RTL4: variants seen among roughly 807,000 people sequenced by gnomAD.
The protein encoded by RTL4 is retrotransposon Gag like 4.
In RTL4, 4 loss-of-function variants were observed where a neutral mutation model predicts 5.3. The ratio of observed to expected loss-of-function variants is 0.75; its 90% CI spans 0.37 to 1.72. RTL4 has a LOEUF of 1.72. RTL4 is among the 40% of genes most tolerant of loss of function. The probability of loss-of-function intolerance (pLI) is 0.04; values close to 1 mark genes in which losing one functional copy is unlikely to be tolerated. For synonymous variants in RTL4, 98 were observed against 87.3 expected, an observed-to-expected ratio of 1.12 and a Z score of -0.68; for missense variants, 260 against 227.1, an observed-to-expected ratio of 1.14 and a Z score of -0.93.
the RTL4 span, among the ~76,000 whole-genome samples, chrX:112,154,646 C>T: frequency 4.5e-5 from 5 of 112,091 alleles, no homozygotes; most frequent in Non-Finnish European, 7.5e-5. Context: ...ATAACTGGAA[C>T]CAAATATTGT....
chrX:112,205,426 TA>T, the RTL4 span, among the ~76,000 whole-genome samples: 37 of 111,560 alleles, frequency 3.3e-4, no homozygotes, highest in African/African-American at 1.2e-3. Context: ...TATTTTACCT[TA>T]AAAAAAGGAA....
At chrX:112,087,310 G>A in the RTL4 span, among the ~76,000 whole-genome samples, 1 of 108,560 alleles carries the variant, frequency 9.2e-6, no homozygotes, top group African/African-American at 3.4e-5. Flanking sequence ...CCCTCTCCCA[G>A]GAGTAGATTG....
At chrX:112,089,510 C>T in the RTL4 span, among the ~76,000 whole-genome samples, 6 of 111,020 alleles carry the variant, frequency 5.4e-5, no homozygotes, top group African/African-American at 2.0e-4. Flanking sequence ...CCATTCTTTC[C>T]TGATCGAATG....
the RTL4 span, among the ~76,000 whole-genome samples, chrX:112,390,829 G>A: frequency 9.0e-6 from 1 of 111,594 alleles, no homozygotes; most frequent in African/African-American, 3.3e-5. Flanking sequence ...TCTTACAGGA[G>A]TTCTCTGTAT....
chrX:112,125,275 A>G, the RTL4 span, among the ~76,000 whole-genome samples: 3 of 111,472 alleles, frequency 2.7e-5, no homozygotes, highest in Non-Finnish European at 5.6e-5. Flanking sequence ...ATAGTCTGAC[A>G]TCACAGAAAG....
At chrX:112,193,860 C>A in the RTL4 span, among the ~76,000 whole-genome samples, 1 of 112,185 alleles carries the variant, frequency 8.9e-6, no homozygotes, top group African/African-American at 3.2e-5. Flanking sequence ...CACTCAGAAC[C>A]TCTTCTATCT....
chrX:112,207,002 C>T, the RTL4 span, among the ~76,000 whole-genome samples: 2 of 111,818 alleles, frequency 1.8e-5, no homozygotes, highest in East Asian at 2.8e-4. Flanking sequence ...CTCAACTTTA[C>T]TTCTGAAGGT....
At chrX:112,454,730 T>C (rs1342028681) in exon 1 of RTL4, 1 of 1,180,380 alleles carries the variant, frequency 8.5e-7, no homozygotes, top group East Asian at 3.0e-5. Context: ...GGAGACATAA[T>C]GGAGAAGTGC....
chrX:112,384,145 AAT>A, the RTL4 span, among the ~76,000 whole-genome samples: 1 of 111,905 alleles, frequency 8.9e-6, no homozygotes. Context: ...AAGTGGCTGA[AAT>A]ATTTTACATT....
At chrX:112,253,686 G>A in the RTL4 span, among the ~76,000 whole-genome samples, 9 of 111,959 alleles carry the variant, frequency 8.0e-5, no homozygotes, top group Non-Finnish European at 1.5e-4. Flanking sequence ...AACTCTTAAC[G>A]AAGACTCTCT....
chrX:112,328,287 G>A, the RTL4 span, among the ~76,000 whole-genome samples: 1 of 110,569 alleles, frequency 9.0e-6, no homozygotes, highest in African/African-American at 3.3e-5. Flanking sequence ...ACACACATAG[G>A]CTCAAAATAA....
the RTL4 span, among the ~76,000 whole-genome samples, chrX:112,142,453 C>T: frequency 8.9e-6 from 1 of 112,095 alleles, no homozygotes; most frequent in African/African-American, 3.2e-5. Flanking sequence ...TTAATTCTAC[C>T]TATGATCACT....
chrX:112,265,192 C>T, the RTL4 span, among the ~76,000 whole-genome samples: 4 of 112,889 alleles, frequency 3.5e-5, no homozygotes, highest in Non-Finnish European at 7.5e-5. Context: ...TCACAGGTAA[C>T]GCTGTTCAAA....
the RTL4 span, among the ~76,000 whole-genome samples, chrX:112,135,631 G>A: frequency 9.1e-6 from 1 of 110,274 alleles, no homozygotes; most frequent in Non-Finnish European, 1.9e-5. Context: ...TCTTCTAGAA[G>A]TTTTAAAGTT....
chrX:112,432,710 T>G, the RTL4 span, among the ~76,000 whole-genome samples: 2 of 99,014 alleles, frequency 2.0e-5, no homozygotes, highest in Non-Finnish European at 4.1e-5. Flanking sequence ...TAGTTTCTTT[T>G]GCTGTGCAGA....
the RTL4 span, among the ~76,000 whole-genome samples, chrX:112,386,805 T>C: frequency 4.3e-3 from 478 of 112,050 alleles, 1 homozygote; most frequent in African/African-American, 0.015. Context: ...GGAATTGTGC[T>C]GCTGTAAACA....
chrX:112,305,520 G>A, the RTL4 span, among the ~76,000 whole-genome samples: 16 of 109,242 alleles, frequency 1.5e-4, no homozygotes, highest in East Asian at 4.3e-3. Flanking sequence ...CTGCCACCAC[G>A]CCCAGCTAAT....
the RTL4 span, among the ~76,000 whole-genome samples, chrX:112,434,354 A>C: frequency 9.0e-6 from 1 of 110,596 alleles, no homozygotes; most frequent in African/African-American, 3.3e-5. Flanking sequence ...CTGTGAATCC[A>C]TCTGGTCCTG....
the RTL4 span, among the ~76,000 whole-genome samples, chrX:112,330,970 C>A: frequency 0.2 from 21,074 of 107,778 alleles, 1,750 homozygotes; most frequent in Admixed American, 0.29. Context: ...AAAGCTGAAA[C>A]TGGATCCCTT....
Sources: gnomAD v4.1 joint callset for allele counts (sites outside exome capture counted in the v4.1 genomes callset) on GRCh38, gnomAD v4.1.1 for gene constraint, MANE v1.5 for transcripts, NCBI Gene and HGNC (gene_info 2026-07-23, HGNC 2026-07-21) for gene names.